OSBPL2: variants seen among roughly 807,000 people sequenced by gnomAD.
OSBPL2 encodes oxysterol-binding protein-related protein 2.
Under a neutral mutation model 58.4 loss-of-function variants are expected in OSBPL2, and 18 were observed. The ratio of observed to expected loss-of-function variants is 0.31; its 90% CI spans 0.21 to 0.46. The LOEUF is 0.46. OSBPL2 is among the 20% of genes least tolerant of loss of function. The pLI, the probability that OSBPL2 is intolerant of heterozygous loss-of-function variation, is 1.00. For synonymous variants in OSBPL2, 221 were observed against 234.1 expected (o/e 0.94, Z 0.51); for missense variants, 461 against 616.5 (o/e 0.75, Z 2.67).
chr20:62,283,337 G>A (rs1982907611), intron 9 of OSBPL2, among the ~76,000 whole-genome samples: 1 of 152,190 alleles, frequency 6.6e-6, no homozygotes, highest in African/African-American at 2.4e-5. Flanking sequence ...TGCAGGCACT[G>A]CAGTGACACC....
intron 1 of OSBPL2, among the ~76,000 whole-genome samples, chr20:62,246,778 C>T (rs959666388): frequency 1.3e-5 from 2 of 152,192 alleles, no homozygotes; most frequent in Admixed American, 1.3e-4. Context: ...TCCCTGGGTC[C>T]GTTCATGTCA....
intron 1 of OSBPL2, among the ~76,000 whole-genome samples, chr20:62,253,019 A>G (rs542004844): frequency 7.9e-5 from 12 of 152,376 alleles, no homozygotes; most frequent in African/African-American, 2.6e-4. Flanking sequence ...AGACCATGTC[A>G]GTAGATAAAG....
At chr20:62,292,882 A>ATTTTT (rs35975453) in intron 13 of OSBPL2, among the ~76,000 whole-genome samples, 2 of 140,998 alleles carry the variant, frequency 1.4e-5, no homozygotes, top group Non-Finnish European at 1.5e-5. Context: ...ACCTTTCCTC[A>ATTTTT]TTTTTTTTTT....
chr20:62,256,586 G>C (rs184073887), intron 2 of OSBPL2, among the ~76,000 whole-genome samples: 12 of 152,306 alleles, frequency 7.9e-5, no homozygotes, highest in Admixed American at 4.6e-4. Flanking sequence ...GCAAACCCCT[G>C]GGTCTGCAGC....
In OSBPL2 at chr20:62,288,189, A is replaced by G. The variant is rs1187630586; in HGVS notation, c.1126-1018A>G. Among the ~76,000 whole-genome samples, 1 of 152,158 alleles carries G rather than the reference A, an allele frequency of 6.6e-6. No homozygotes were observed. Among genetic ancestry groups the G allele is most frequent in the Non-Finnish European group, 1.5e-5 (1 of 68,028 alleles). ...ACGACTTCAGTATTTGCTGTGAGTG[A>G]CATGGGGCACCAGGAGTCATTTGAG... On this transcript the variant is annotated intron_variant, in intron 11 of 13. Transcript: ENST00000313733. This position sits in a 1 kb window ranked among gnomAD's most constrained non-coding sequence, Gnocchi z 4.8.
chr20:62,262,526 C>T (rs190608372), intron 3 of OSBPL2, among the ~76,000 whole-genome samples: 14 of 152,354 alleles, frequency 9.2e-5, no homozygotes, highest in Non-Finnish European at 1.8e-4. Flanking sequence ...TGTGCACGGA[C>T]GATGGCGGAG....
At chr20:62,267,101 C>A (rs140478751) in intron 4 of OSBPL2, among the ~76,000 whole-genome samples, 2 of 152,198 alleles carry the variant, frequency 1.3e-5, no homozygotes, top group Admixed American at 1.3e-4. Context: ...AAGAATTAGC[C>A]GGGCATGGTG....
At chr20:62,274,577 C>T (rs1381253594) in intron 6 of OSBPL2, among the ~76,000 whole-genome samples, 4 of 152,198 alleles carry the variant, frequency 2.6e-5, no homozygotes, top group Non-Finnish European at 5.9e-5. Flanking sequence ...CTCGCTGCAC[C>T]CTTCAGTCTT....
intron 1 of OSBPL2, chr20:62,242,739 T>G (rs1979815523): frequency 6.6e-6 from 1 of 152,254 alleles, no homozygotes; most frequent in African/African-American, 2.4e-5. Flanking sequence ...GTGGGAAGGG[T>G]CTGAGGGGCT....
At chr20:62,262,974 A>AG (rs1206594526) in intron 3 of OSBPL2, among the ~76,000 whole-genome samples, 1 of 152,066 alleles carries the variant, frequency 6.6e-6, no homozygotes, top group Non-Finnish European at 1.5e-5. Flanking sequence ...GTCTCCATTC[A>AG]GGCGCTCCCC....
chr20:62,262,981 C>G (rs1981415092), intron 3 of OSBPL2, among the ~76,000 whole-genome samples: 1 of 152,140 alleles, frequency 6.6e-6, no homozygotes, highest in South Asian at 2.1e-4. Flanking sequence ...TTCAGGCGCT[C>G]CCCTCCTAGA....
intron 3 of OSBPL2, among the ~76,000 whole-genome samples, chr20:62,261,559 C>T (rs1160186272): frequency 1.3e-5 from 2 of 152,192 alleles, no homozygotes; most frequent in Non-Finnish European, 2.9e-5. Context: ...TTCGTTCTCT[C>T]ACCCTACAGA....
chr20:62,244,718 T>G (rs1304821263), intron 1 of OSBPL2, among the ~76,000 whole-genome samples: 3 of 152,182 alleles, frequency 2.0e-5, no homozygotes, highest in South Asian at 2.1e-4. Flanking sequence ...CTTGAGGGAG[T>G]TGACTGTGGT....
Position 62,269,613 on chromosome 20 carries a change from G to A in OSBPL2, c.259-2512G>A, listed in dbSNP as rs775331375. 3.5e-4 allele frequency among the ~76,000 whole-genome samples: 53 copies of A among 152,326 alleles called. No homozygotes were observed. The highest frequency in any genetic ancestry group is 1.2e-3 in the African/African-American group (48 of 41,566). On this transcript the variant is annotated intron_variant, in intron 4 of 13. Transcript: ENST00000313733. The surrounding 1 kb of genome is among the most constrained non-coding windows in gnomAD (Gnocchi z 4.2). The stretch of plus-strand genomic sequence containing the variant: ...GCCTCCCTGGTCCCAATCTCTGGCC[G>A]CTGTGGACTGTGGCCTCTTCTAGTT...
intron 4 of OSBPL2, among the ~76,000 whole-genome samples, chr20:62,270,708 G>GGTCCTCTCCTTGTC (rs1568841015): frequency 3.0e-3 from 3 of 1,008 alleles, no homozygotes; most frequent in African/African-American, 6.0e-3. Context: ...TCCCTCTCTG[G>GGTCCTCTCCTTGTC]CCTCTCTGGG....
At chr20:62,283,944 A>G in intron 9 of OSBPL2, 102 bp from the exon 10 acceptor site, 3 of 1,225,820 alleles carry the variant, frequency 2.4e-6, no homozygotes, top group Non-Finnish European at 3.5e-6. Context: ...CAAGATGCAT[A>G]AGAAAACATA....
intron 1 of OSBPL2, among the ~76,000 whole-genome samples, chr20:62,239,312 A>G (rs1979562542): frequency 6.6e-6 from 1 of 152,222 alleles, no homozygotes; most frequent in Non-Finnish European, 1.5e-5. Context: ...TTCTTTCGCC[A>G]GTTATATTTT....
At chr20:62,281,366 C>T (rs1393655999) in intron 8 of OSBPL2, 15 of 563,720 alleles carry the variant, frequency 2.7e-5, no homozygotes, top group East Asian at 8.6e-5. Context: ...TTCAAGACCT[C>T]GTTTTTCGTC....
At chr20:62,267,232 G>A (rs1480453599) in intron 4 of OSBPL2, among the ~76,000 whole-genome samples, 1 of 152,212 alleles carries the variant, frequency 6.6e-6, no homozygotes, top group Non-Finnish European at 1.5e-5. Context: ...GTGACAGAGT[G>A]AGACCCTGTC....
Sources: gnomAD v4.1 joint callset for allele counts (sites outside exome capture counted in the v4.1 genomes callset) on GRCh38, gnomAD v4.1.1 for gene constraint, Gnocchi (gnomAD v3.1) non-coding constraint, MANE v1.5 for transcripts, NCBI Gene and HGNC (gene_info 2026-07-23, HGNC 2026-07-21) for gene names.